Variants in CTBP2 observed in about 807,000 individuals in gnomAD.
CTBP2 encodes C-terminal-binding protein 2.
Under a neutral mutation model 80.3 loss-of-function variants are expected in CTBP2, and 30 were observed. That is an observed-to-expected ratio of 0.37 (90% CI 0.28 to 0.51). The LOEUF is 0.51. Ranked by LOEUF, CTBP2 falls within the 20% of genes least tolerant of loss-of-function variation. CTBP2 has a pLI of 0.93. For synonymous variants in CTBP2, 594 were observed against 587.4 expected (o/e 1.01, Z -0.16); for missense variants, 1,212 against 1,375.3 (o/e 0.88, Z 1.88).
rs1403193013 is a variant in CTBP2 at position 124,987,352 on chromosome 10, G to A, written c.*2166C>T. On this transcript the variant is annotated 3_prime_UTR_variant, in exon 9 of 9. Transcript: ENST00000309035. The stretch of plus-strand genomic sequence containing the variant: ...ATTTTGTTTTGACTTGTTCTTCCTT[G>A]GGGTCAAATTTATATATATATATAT... The A allele has an allele frequency of 6.7e-6, 1 of 148,388 alleles. No individual in the cohort carries two copies. Among genetic ancestry groups the A allele is most frequent in the Non-Finnish European group, 1.5e-5 (1 of 67,502 alleles). 9.2% of individuals were successfully genotyped at this position (148,388 alleles called of 1,614,324 possible).
chr10:125,143,851 C>T (rs926047458), intron 1 of CTBP2, among the ~76,000 whole-genome samples: 1 of 152,130 alleles, frequency 6.6e-6, no homozygotes, highest in Non-Finnish European at 1.5e-5. Context: ...AAAGAAACTG[C>T]CAGGGCCCCA....
chr10:125,065,343 C>T (rs1474963515), intron 2 of CTBP2, among the ~76,000 whole-genome samples: 1 of 148,448 alleles, frequency 6.7e-6, no homozygotes, highest in East Asian at 2.0e-4. Flanking sequence ...TGAATCTGTG[C>T]TTTTCTCAAT....
At position 124,985,843 on chromosome 10, in the gene CTBP2, CCAT is replaced by C. The variant is rs1227635260; in HGVS notation, c.*3672_*3674del. ...TGTGTGAAATGTGCTCACTTGGACT[CCAT>C]CAACAATGTGCTGCTCCCAGATTGC... On this transcript the variant is annotated 3_prime_UTR_variant, in exon 9 of 9. Coordinates refer to ENST00000309035, the MANE Select transcript of CTBP2 (RefSeq NM_022802.3). 6.6e-6 allele frequency: 1 copy of C among 152,220 alleles called. No homozygotes were observed. Among genetic ancestry groups the C allele is most frequent in the African/African-American group, 2.4e-5 (1 of 41,456 alleles). 9.4% of individuals were successfully genotyped at this position (152,220 alleles called of 1,614,324 possible).
Position 125,026,714 on chromosome 10 carries a change from C to T in CTBP2, c.1046G>A (p.Cys349Tyr), listed in dbSNP as rs1159286195. 5 of 1,612,804 alleles carry T rather than the reference C, an allele frequency of 3.1e-6. No homozygotes were observed. Among genetic ancestry groups the T allele is most frequent in the Middle Eastern group, 1.7e-4 (1 of 6,058 alleles). Residue 349 changes from cysteine (C) to tyrosine (Y), a missense_variant, in exon 1 of 9, where the codon TGC becomes TAC. Coordinates refer to ENST00000309035, the MANE Select transcript of CTBP2 (RefSeq NM_022802.3). ...CCTCCGCAGCTGCATTTCGGTCCTGCAGCTATTGGCCAGGCGGCTCAGAAC... is the reference window on the plus strand; with the variant it reads ...CCTCCGCAGCTGCATTTCGGTCCTGTAGCTATTGGCCAGGCGGCTCAGAAC...
rs1952088512 is a variant in CTBP2 at position 124,987,617 on chromosome 10, G to GTAAC, written c.*1897_*1900dup. On this transcript the variant is annotated 3_prime_UTR_variant, in exon 9 of 9. Transcript: ENST00000309035. ...TTTTGTTCCCTGGGGTAATAGGTCA[G>GTAAC]TAACTATGAGCGCCGTCTCTCTCCA... 6.6e-6 allele frequency: 1 copy of GTAAC among 152,150 alleles called. No homozygotes were observed. Among genetic ancestry groups the GTAAC allele is most frequent in the Non-Finnish European group, 1.5e-5 (1 of 68,032 alleles). The allele number at this position is 152,150 out of a possible 1,614,324, so 9.4% of individuals were successfully genotyped here. A position where few individuals can be genotyped will look rare whatever the true frequency, so the allele number is the denominator to read the frequency against.
intron 2 of CTBP2, among the ~76,000 whole-genome samples, chr10:125,055,397 T>G (rs1268036284): frequency 1.3e-5 from 2 of 152,186 alleles, no homozygotes; most frequent in Non-Finnish European, 2.9e-5. Context: ...CCCAGATGCT[T>G]GGGTGGCCCT....
chr10:125,043,538 G>A (rs776909401), intron 2 of CTBP2, among the ~76,000 whole-genome samples: 10 of 152,132 alleles, frequency 6.6e-5, no homozygotes, highest in African/African-American at 1.2e-4. Flanking sequence ...CCAGGTTCAC[G>A]CCATTCTCCT....
intron 1 of CTBP2, among the ~76,000 whole-genome samples, chr10:125,130,630 T>C (rs1160142539): frequency 6.6e-6 from 1 of 152,344 alleles, no homozygotes; most frequent in East Asian, 1.9e-4. Flanking sequence ...AGAAAATACA[T>C]GCAACTTCCC....
chr10:125,004,364 C>T (rs1275725283), intron 1 of CTBP2, among the ~76,000 whole-genome samples: 1 of 152,188 alleles, frequency 6.6e-6, no homozygotes, highest in Non-Finnish European at 1.5e-5. Context: ...GCAGCGAGAG[C>T]CTCAGGGCCT....
At chr10:125,016,140 G>A (rs1216088764) in intron 1 of CTBP2, among the ~76,000 whole-genome samples, 3 of 152,228 alleles carry the variant, frequency 2.0e-5, no homozygotes, top group Non-Finnish European at 2.9e-5. Flanking sequence ...GTCCCGATCA[G>A]GCTGAGGAAG....
intron 2 of CTBP2, among the ~76,000 whole-genome samples, chr10:125,088,709 C>T (rs997452465): frequency 1.3e-5 from 2 of 151,950 alleles, no homozygotes; most frequent in African/African-American, 4.9e-5. Flanking sequence ...ATCAATAGCC[C>T]TACTCAACGC....
At chr10:125,037,843 G>A (rs563981399) in intron 3 of CTBP2, among the ~76,000 whole-genome samples, 34 of 152,228 alleles carry the variant, frequency 2.2e-4, no homozygotes, top group East Asian at 2.1e-3. Context: ...GATGGTTCTG[G>A]AAGAAAATCC....
At chr10:125,161,708 CACATTGAAAAAAAAAAAAA>C (rs1199769796), upstream of CTBP2, among the ~76,000 whole-genome samples, 14 of 150,280 alleles carry the variant, frequency 9.3e-5, no homozygotes, top group Admixed American at 9.2e-4. Context: ...AACATTCTTA[CACATTGAAAAAAAAAAAAA>C]AGGTTCCCTC....
At chr10:125,145,508 G>A (rs769912499) in intron 1 of CTBP2, among the ~76,000 whole-genome samples, 2 of 152,170 alleles carry the variant, frequency 1.3e-5, no homozygotes, top group East Asian at 1.9e-4. Flanking sequence ...GTAGGGCAGG[G>A]CACGGCAGGG....
At chr10:124,998,277 G>A in intron 3 of CTBP2, 107 bp from the exon 6 acceptor site, 2 of 1,287,750 alleles carry the variant, frequency 1.6e-6, no homozygotes, top group South Asian at 1.4e-5. Flanking sequence ...GGCACCGGGG[G>A]AGGCCCACCT....
At chr10:124,999,099 C>T (rs996140867) in intron 3 of CTBP2, 1 of 152,260 alleles carries the variant, frequency 6.6e-6, no homozygotes, top group Non-Finnish European at 1.5e-5. Context: ...GGTGGAGATC[C>T]AGAGGCCTGC....
intron 2 of CTBP2, among the ~76,000 whole-genome samples, chr10:125,090,285 C>CAAAAAAAAAAA (rs56714830): frequency 0.011 from 699 of 65,302 alleles, 40 homozygotes; most frequent in African/African-American, 0.028. Context: ...GTCCCTGGCT[C>CAAAAAAAAAAA]AAAAAAAAAA....
At chr10:125,051,044 C>G (rs918049560) in intron 2 of CTBP2, among the ~76,000 whole-genome samples, 2 of 152,198 alleles carry the variant, frequency 1.3e-5, no homozygotes, top group Non-Finnish European at 2.9e-5. Flanking sequence ...TACATGAAAT[C>G]CCACTGGAGA....
chr10:125,097,064 A>G (rs1427179385), intron 2 of CTBP2, among the ~76,000 whole-genome samples: 1 of 152,252 alleles, frequency 6.6e-6, no homozygotes, highest in Admixed American at 6.5e-5. Context: ...TTATATTACC[A>G]TAAGCTGGCA....
Sources: allele counts gnomAD v4.1 joint callset (sites outside exome capture counted in the v4.1 genomes callset), GRCh38; gene constraint gnomAD v4.1.1; transcripts MANE v1.5; gene names NCBI Gene and HGNC (gene_info 2026-07-23, HGNC 2026-07-21).